SEPTIN3: variants seen among roughly 807,000 people sequenced by gnomAD.
SEPTIN3 encodes septin 3, also known as neuronal-specific septin-3.
Under a neutral mutation model 45.1 loss-of-function variants are expected in SEPTIN3, and 15 were observed. The ratio of observed to expected loss-of-function variants is 0.33; its 90% CI spans 0.22 to 0.51. SEPTIN3 has a LOEUF of 0.51. SEPTIN3 is among the 20% of genes least tolerant of loss of function. The pLI is 0.97. For missense variants in SEPTIN3, 289 were observed against 457.2 expected, an observed-to-expected ratio of 0.63 and a Z score of 3.35; for synonymous variants, 148 against 164.8, an observed-to-expected ratio of 0.90 and a Z score of 0.78.
At chr22:41,989,737 G>A (rs1230577222) in intron 7 of SEPTIN3, 53 bp downstream of exon 7, 18 of 1,221,870 alleles carry the variant, frequency 1.5e-5, no homozygotes, top group East Asian at 7.0e-5. Flanking sequence ...CTTTCTCTCC[G>A]CTGGGTTCAG....
rs1434217648 is a variant in SEPTIN3 at position 41,994,046 on chromosome 22, C to G, written c.2360-244C>G. Among the ~76,000 whole-genome samples, 2 of 152,160 alleles carry G rather than the reference C, an allele frequency of 1.3e-5. No individual in the cohort carries two copies. ...TCTATAAAATGGTAAAAATTATAGTCCCTCTTGGCTATTATGCCACAGCGT... is the reference window on the plus strand; with the variant it reads ...TCTATAAAATGGTAAAAATTATAGTGCCTCTTGGCTATTATGCCACAGCGT... On this transcript the variant is annotated intron_variant, in intron 9 of 11. Coordinates refer to ENST00000644076, the MANE Select transcript of SEPTIN3 (RefSeq NM_001363845.2). This position sits in a 1 kb window ranked among gnomAD's most constrained non-coding sequence, Gnocchi z 4.2.
rs540197206 is a variant in SEPTIN3, at chr22:41,997,050, G to A, written c.*83G>A. Reference sequence around the variant, plus strand: ...CCAAGCCCTTTTTAGTGCTGTGCTCGTCCAGCTCACCACCACAGCCCCTCT... The same window carrying A: ...CCAAGCCCTTTTTAGTGCTGTGCTCATCCAGCTCACCACCACAGCCCCTCT... On this transcript the variant is annotated 3_prime_UTR_variant, in exon 12 of 12. Transcript: ENST00000644076. 2.8e-4 allele frequency: 447 copies of A among 1,603,056 alleles called. 8 individuals are homozygous for A. The South Asian group carries it at 2.9e-3, about 10-fold the overall frequency.
At chr22:41,975,790 C>A (rs781554456) in intron 2 of SEPTIN3, among the ~76,000 whole-genome samples, 6 of 152,188 alleles carry the variant, frequency 3.9e-5, no homozygotes, top group Non-Finnish European at 7.3e-5. Context: ...CCTCTCCATC[C>A]TTCTGCCCCT....
At chr22:41,979,953 G>C (rs1196046598) in intron 2 of SEPTIN3, among the ~76,000 whole-genome samples, 1 of 152,134 alleles carries the variant, frequency 6.6e-6, no homozygotes, top group East Asian at 1.9e-4. Flanking sequence ...TTCTAGAACG[G>C]CAGAGCTGGA....
At chr22:41,996,733 C>A in intron 11 of SEPTIN3, 169 bp from the exon 12 acceptor site, 1 of 1,498,164 alleles carries the variant, frequency 6.7e-7, no homozygotes, top group Non-Finnish European at 8.9e-7. Flanking sequence ...AGACCTTGGA[C>A]CAGCAGGGGA....
intron 4 of SEPTIN3, among the ~76,000 whole-genome samples, chr22:41,986,863 C>T (rs1216374945): frequency 6.6e-6 from 1 of 151,992 alleles, no homozygotes; most frequent in Non-Finnish European, 1.5e-5. Context: ...GTAGTCCTAG[C>T]TATTGGGGAG....
At chr22:41,988,923 C>T in intron 6 of SEPTIN3, among the ~76,000 whole-genome samples, 1 of 152,138 alleles carries the variant, frequency 6.6e-6, no homozygotes. Context: ...TCCAGGAGTT[C>T]AAGACCAGCG....
rs1341829799 is a variant in SEPTIN3 at position 41,995,085 on chromosome 22, A to G, written c.2505+371A>G. The G allele has an allele frequency of 2.7e-6, 3 of 1,113,984 alleles. No individual in the cohort carries two copies. The East Asian group carries it at 1.9e-4, about 70-fold the overall frequency. The allele number at this position is 1,113,984 out of a possible 1,614,324, so 69.0% of individuals were successfully genotyped here. On this transcript the variant is annotated intron_variant, in intron 11 of 11. Coordinates refer to ENST00000644076, the MANE Select transcript of SEPTIN3 (RefSeq NM_001363845.2). ...CAAAGCTGTTTGCCTCACTCAGGAG[A>G]TCTGGGGGAGGTTTCATTTAAAAGT...
In SEPTIN3 at chr22:41,994,880, TGTC is replaced by T. The variant is rs2078399379; in HGVS notation, c.2505+167_2505+169del. On this transcript the variant is annotated intron_variant, in intron 11 of 11. Coordinates refer to ENST00000644076, the MANE Select transcript of SEPTIN3 (RefSeq NM_001363845.2). This position sits in a 1 kb window ranked among gnomAD's most constrained non-coding sequence, Gnocchi z 4.2. ...CCTGTCTGGTATTTGTGGAGCATCTTGTCTGTGTGTGTGTGTGTGTGTGTGTGT... is the reference window on the plus strand; with the variant it reads ...CCTGTCTGGTATTTGTGGAGCATCTTTGTGTGTGTGTGTGTGTGTGTGTGT... 2.0e-6 allele frequency: 3 copies of T among 1,477,876 alleles called. No individual in the cohort carries two copies. Among genetic ancestry groups the T allele is most frequent in the African/African-American group, 1.7e-5 (1 of 60,538 alleles). The allele number at this position is 1,477,876 out of a possible 1,614,324, so 91.5% of individuals were successfully genotyped here.
chr22:41,996,104 T>A (rs1434904459), intron 11 of SEPTIN3: 2 of 985,124 alleles, frequency 2.0e-6, no homozygotes, highest in East Asian at 2.3e-4. Context: ...ATCATATTTA[T>A]GTCTGTCTTT....
In SEPTIN3 at chr22:41,987,193, T is replaced by G. The variant is rs368416662; in HGVS notation, c.1826-13T>G. The G allele has an allele frequency of 2.0e-5, 33 of 1,610,252 alleles. No individual in the cohort carries two copies. The highest frequency in any genetic ancestry group is 2.5e-5 in the Non-Finnish European group (30 of 1,177,934). Reference sequence around the variant, plus strand: ...GGACTGACCTCTCTGGTACATTTTCTTTTCACCCCCAGTGATAGAGGAAGG... The same window carrying G: ...GGACTGACCTCTCTGGTACATTTTCGTTTCACCCCCAGTGATAGAGGAAGG... On this transcript the variant is annotated splice_polypyrimidine_tract_variant and intron_variant, in intron 4 of 11. Coordinates refer to ENST00000644076, the MANE Select transcript of SEPTIN3 (RefSeq NM_001363845.2).
At chr22:41,987,519 C>T in intron 5 of SEPTIN3, 103 bp from the exon 6 acceptor site, 1 of 1,408,592 alleles carries the variant, frequency 7.1e-7, no homozygotes, top group Non-Finnish European at 9.8e-7. Flanking sequence ...GCCCACCAAC[C>T]AGGGAATGAC....
In SEPTIN3 at chr22:41,998,151, C is replaced by T. The variant is rs966642558; in HGVS notation, c.*1184C>T. 6.5e-6 allele frequency: 1 copy of T among 152,700 alleles called. No homozygotes were observed. The highest frequency in any genetic ancestry group is 2.4e-5 in the African/African-American group (1 of 41,470). 9.5% of individuals were successfully genotyped at this position (152,700 alleles called of 1,614,324 possible). On this transcript the variant is annotated 3_prime_UTR_variant, in exon 12 of 12. Transcript: ENST00000644076. ...CCAATTGAAAACAAGCAAACAGACA[C>T]TCAAACTGGTCCTGTAATTGTTGCT...
intron 2 of SEPTIN3, among the ~76,000 whole-genome samples, chr22:41,979,555 G>A (rs961201916): frequency 1.3e-5 from 2 of 152,216 alleles, no homozygotes; most frequent in South Asian, 4.1e-4. Flanking sequence ...TGTGAGCCAC[G>A]TGCAAGAGTG....
At chr22:41,986,657 G>A (rs993903461) in intron 4 of SEPTIN3, among the ~76,000 whole-genome samples, 11 of 151,680 alleles carry the variant, frequency 7.3e-5, no homozygotes, top group African/African-American at 2.7e-4. Flanking sequence ...CCGCCACCAC[G>A]CCCGGCTAAT....
chr22:41,978,606 T>C (rs1300691088), intron 2 of SEPTIN3, among the ~76,000 whole-genome samples: 1 of 152,178 alleles, frequency 6.6e-6, no homozygotes. Flanking sequence ...CAGCATTGGT[T>C]CTGTGCCCCA....
At chr22:41,984,081 C>G (rs1437037580) in intron 3 of SEPTIN3, among the ~76,000 whole-genome samples, 1 of 152,120 alleles carries the variant, frequency 6.6e-6, no homozygotes, top group Non-Finnish European at 1.5e-5. Flanking sequence ...AGTGCTGAGC[C>G]CAGATGTAGC....
At chr22:41,982,940 T>A (rs1569438084) in intron 3 of SEPTIN3, among the ~76,000 whole-genome samples, 1 of 151,470 alleles carries the variant, frequency 6.6e-6, no homozygotes, top group Non-Finnish European at 1.5e-5. Context: ...CTTTGCCCCG[T>A]CTCAGTGAGA....
chr22:41,982,372 A>G (rs1392860626), intron 3 of SEPTIN3, among the ~76,000 whole-genome samples: 1 of 151,994 alleles, frequency 6.6e-6, no homozygotes, highest in South Asian at 2.1e-4. Context: ...GCCAGGTGTG[A>G]TGGCGCATGC....
Sources: allele counts gnomAD v4.1 joint callset (sites outside exome capture counted in the v4.1 genomes callset), GRCh38; gene constraint gnomAD v4.1.1; non-coding constraint Gnocchi (gnomAD v3.1); transcripts MANE v1.5; gene names NCBI Gene and HGNC (gene_info 2026-07-23, HGNC 2026-07-21).